Variants in FANCB observed in about 807,000 individuals in gnomAD.
The protein encoded by FANCB is Fanconi anemia group B protein.
FANCB carries 5 observed loss-of-function variants against 38.9 expected under a neutral mutation model. The observed-to-expected ratio is 0.13, with a 90% CI of 0.07 to 0.27. FANCB has a LOEUF of 0.27. Ranked by LOEUF, FANCB falls within the 10% of genes least tolerant of loss-of-function variation. The probability of loss-of-function intolerance (pLI) is 1.00; values close to 1 mark genes in which losing one functional copy is unlikely to be tolerated. For missense variants in FANCB, 573 were observed against 602.7 expected, an observed-to-expected ratio of 0.95 and a Z score of 0.52; for synonymous variants, 236 against 215.4, an observed-to-expected ratio of 1.10 and a Z score of -0.84.
chrX:14,712,506 G>GA, the FANCB span, among the ~76,000 whole-genome samples: 733 of 100,825 alleles, frequency 7.3e-3, 6 homozygotes, highest in Admixed American at 0.037. Flanking sequence ...ACTCTTAATT[G>GA]AAAAAAAAAA....
chrX:14,752,125 A>G, the FANCB span, among the ~76,000 whole-genome samples: 57 of 111,612 alleles, frequency 5.1e-4, no homozygotes, highest in African/African-American at 1.7e-3. Context: ...ATCCTAACCA[A>G]TGCCAGTCCT....
At chrX:14,692,201 G>C in the FANCB span, among the ~76,000 whole-genome samples, 5 of 112,044 alleles carry the variant, frequency 4.5e-5, no homozygotes, top group Non-Finnish European at 9.4e-5. Context: ...TCCTGCCATA[G>C]ATAAGGAAAA....
At chrX:14,769,090 T>C in the FANCB span, among the ~76,000 whole-genome samples, 3 of 111,710 alleles carry the variant, frequency 2.7e-5, no homozygotes, top group Non-Finnish European at 5.6e-5. Flanking sequence ...TTTGCACTGA[T>C]GTTCATCAAG....
intron 4 of FANCB, among the ~76,000 whole-genome samples, 194 bp from the exon 5 acceptor site, chrX:14,858,148 T>C (rs1385499280): frequency 3.6e-5 from 4 of 111,499 alleles, no homozygotes; most frequent in Non-Finnish European, 1.9e-5. Flanking sequence ...TCCCAGCACT[T>C]TGGGAGGCCA....
intron 4 of FANCB, 80 bp from the exon 5 acceptor site, chrX:14,858,034 A>T: frequency 1.6e-6 from 1 of 634,507 alleles, no homozygotes; most frequent in South Asian, 2.4e-5. Context: ...AACAAAATAC[A>T]ATTAAAGTAT....
the FANCB span, among the ~76,000 whole-genome samples, chrX:14,717,741 A>G: frequency 1.7e-5 from 1 of 59,872 alleles, no homozygotes; most frequent in Non-Finnish European, 3.7e-5. Context: ...TCTGTAAAGT[A>G]AAAAAAAAAA....
the FANCB span, among the ~76,000 whole-genome samples, chrX:14,703,783 C>A: frequency 9.0e-6 from 1 of 111,574 alleles, no homozygotes; most frequent in Non-Finnish European, 1.9e-5. Flanking sequence ...CTTCCTCAAC[C>A]CTTGGTAAGT....
chrX:14,695,538 T>C, the FANCB span, among the ~76,000 whole-genome samples: 1 of 112,174 alleles, frequency 8.9e-6, no homozygotes, highest in Non-Finnish European at 1.9e-5. Context: ...ACTTAAATTA[T>C]TGCCAGTTCA....
intron 4 of FANCB, among the ~76,000 whole-genome samples, 175 bp from the exon 5 acceptor site, chrX:14,858,129 C>T (rs375241304): frequency 1.8e-5 from 2 of 111,703 alleles, no homozygotes; most frequent in South Asian, 3.7e-4. Flanking sequence ...CAGTGGCTCA[C>T]GCCTGTAATC....
the FANCB span, among the ~76,000 whole-genome samples, chrX:14,822,267 T>C: frequency 9.0e-6 from 1 of 110,600 alleles, no homozygotes; most frequent in African/African-American, 3.3e-5. Context: ...AAATAGATGC[T>C]GTGGGAGGTA....
the FANCB span, among the ~76,000 whole-genome samples, chrX:14,714,345 G>A: frequency 3.5e-4 from 39 of 111,299 alleles, no homozygotes; most frequent in Non-Finnish European, 6.4e-4. Context: ...CATGTAGGCT[G>A]CTAAACATCC....
At chrX:14,751,087 T>C in the FANCB span, among the ~76,000 whole-genome samples, 1 of 111,849 alleles carries the variant, frequency 8.9e-6, no homozygotes, top group African/African-American at 3.3e-5. Flanking sequence ...AATAGCGCCC[T>C]CATGGCATCT....
the FANCB span, among the ~76,000 whole-genome samples, chrX:14,816,948 G>A: frequency 7.3e-4 from 82 of 111,892 alleles, no homozygotes; most frequent in Non-Finnish European, 1.1e-3. Context: ...CAAGCTTATT[G>A]TAAGAATTAA....
chrX:14,810,995 A>C, the FANCB span, among the ~76,000 whole-genome samples: 10 of 110,431 alleles, frequency 9.1e-5, no homozygotes, highest in African/African-American at 3.3e-4. Flanking sequence ...AGCCAGAAGA[A>C]AGTGGGGGCC....
chrX:14,843,880 A>T lies in FANCB; in HGVS notation c.2267T>A (p.Ile756Asn), dbSNP rs756392097. The T allele has an allele frequency of 1.7e-6, 2 of 1,206,117 alleles. No homozygotes were observed. The highest frequency in any genetic ancestry group is 4.4e-5 in the Admixed American group (2 of 45,480). The stretch of plus-strand genomic sequence containing the variant: ...CTCCAAAGTAAATGCCATATTATCA[A>T]TTAGGAAATTCTCACTTCCTGATTT... ...NLKSGSENFL[I>N]DNMAFTLEKE... The change falls in exon 10 of 10, where the codon ATT becomes AAT. Residue 756 changes from isoleucine (I) to asparagine (N), a missense_variant. Transcript: ENST00000650831.
chrX:14,867,396 T>C (rs2092474169), intron 2 of FANCB, among the ~76,000 whole-genome samples: 2 of 110,619 alleles, frequency 1.8e-5, no homozygotes, highest in South Asian at 3.7e-4. Flanking sequence ...CATGGACAAA[T>C]GGAACACAAT....
the FANCB span, among the ~76,000 whole-genome samples, chrX:14,799,450 T>C: frequency 2.7e-5 from 3 of 112,226 alleles, no homozygotes; most frequent in Non-Finnish European, 5.6e-5. Flanking sequence ...ATTCTATTAG[T>C]TCTGTTTCGC....
chrX:14,727,108 G>A, the FANCB span, among the ~76,000 whole-genome samples: 4 of 111,669 alleles, frequency 3.6e-5, no homozygotes, highest in South Asian at 3.8e-4. Flanking sequence ...GATGGACATC[G>A]GAACTCATCT....
chrX:14,840,225 A>C (rs1216042526), downstream of FANCB, among the ~76,000 whole-genome samples: 1 of 111,873 alleles, frequency 8.9e-6, no homozygotes, highest in African/African-American at 3.3e-5. Context: ...TCTGAGGTAC[A>C]ACAATAAAAA....
Sources: allele counts gnomAD v4.1 joint callset (sites outside exome capture counted in the v4.1 genomes callset), GRCh38; gene constraint gnomAD v4.1.1; transcripts MANE v1.5; gene names NCBI Gene and HGNC (gene_info 2026-07-23, HGNC 2026-07-21).